Variants in HSPA8 observed in about 807,000 individuals in gnomAD.
HSPA8 encodes heat shock protein family A (Hsp70) member 8.
HSPA8 carries 2 observed loss-of-function variants against 52.8 expected under a neutral mutation model. That is an observed-to-expected ratio of 0.04 (90% CI 0.02 to 0.12). The LOEUF (loss-of-function observed/expected upper bound fraction) is 0.12, where lower values mean the gene tolerates loss of function less well. HSPA8 is among the 10% of genes least tolerant of loss of function. The pLI is 1.00. For missense variants in HSPA8, 349 were observed against 800.5 expected (o/e 0.44, Z 6.81); for synonymous variants, 436 against 274.0 (o/e 1.59, Z -5.84).
chr11:123,060,507 C>G (rs1865462438), intron 3 of HSPA8, 86 bp downstream of exon 3: 3 of 1,092,144 alleles, frequency 2.7e-6, no homozygotes, highest in Non-Finnish European at 4.2e-6. Context: ...ATCTGTTCCC[C>G]TCCCTCGCCA....
chr11:123,060,526 T>C, intron 3 of HSPA8, 67 bp downstream of exon 3: 2 of 1,212,152 alleles, frequency 1.6e-6, no homozygotes, highest in Non-Finnish European at 2.4e-6. Context: ...CAGGTGCCAG[T>C]GCCCCCGGGA....
chr11:123,060,878 C>G (rs568342741), intron 2 of HSPA8, 80 bp from the exon 3 acceptor site: 5 of 1,303,758 alleles, frequency 3.8e-6, no homozygotes, highest in South Asian at 2.4e-5. Context: ...ACTCAAATAC[C>G]TAACAGTTCA....
At chr11:123,058,133 C>T (rs1353149565) in intron 8 of HSPA8, 119 bp downstream of exon 8, 18 of 769,036 alleles carry the variant, frequency 2.3e-5, no homozygotes, top group African/African-American at 1.6e-4. Flanking sequence ...GTGGAAACCG[C>T]GAATGTTTTG....
chr11:123,057,811 G>T lies in HSPA8; in HGVS notation c.1864C>A (p.Pro622Thr), dbSNP rs1199609003. Residue 622 changes from proline to threonine, a missense_variant, in exon 9 of 9, where the codon CCT becomes ACT. Physicochemically the swap from Pro to Thr is conservative, Grantham distance 38. Coordinates refer to ENST00000534624, the MANE Select transcript of HSPA8 (RefSeq NM_006597.6). ...GCTCCACCACCAGGAAATCCCCCAG[G>T]CATTCCTCCTGGCATGCCTCCTGCA... is the stretch of plus-strand genomic sequence containing the variant. ...QSAGGMPGGM[P>T]GGFPGGGAPP... 6.2e-7 allele frequency: 1 copy of T among 1,613,722 alleles called. No homozygotes were observed. Among genetic ancestry groups the T allele is most frequent in the African/African-American group, 1.3e-5 (1 of 74,882 alleles).
Position 123,057,919 on chromosome 11 carries a change from T to C in HSPA8, c.1756A>G (p.Thr586Ala). 2 of 1,594,410 alleles carry C rather than the reference T, an allele frequency of 1.3e-6. No individual in the cohort carries two copies. Among genetic ancestry groups the C allele is most frequent in the Non-Finnish European group, 1.7e-6 (2 of 1,172,194 alleles). ...TGTTCAAATTCTTCCTTCTCAGCAGTCTGAGGAAGAGAAAAAGGAATTACT... is the reference window on the plus strand; with the variant it reads ...TGTTCAAATTCTTCCTTCTCAGCAGCCTGAGGAAGAGAAAAAGGAATTACT... The part of the protein sequence containing the change: ...EIINWLDKNQ[T>A]AEKEEFEHQQ... Residue 586 changes from threonine (T) to alanine (A), a missense_variant and splice_region_variant, in exon 9 of 9, where the codon ACT becomes GCT. Coordinates refer to ENST00000534624, the MANE Select transcript of HSPA8 (RefSeq NM_006597.6).
At chr11:123,059,359 T>G in intron 5 of HSPA8, 98 bp from the exon 6 acceptor site, 1 of 1,368,160 alleles carries the variant, frequency 7.3e-7, no homozygotes, top group Non-Finnish European at 1.0e-6. Context: ...AAGGAAGGTG[T>G]TGCCATCATT....
At chr11:123,061,064 T>A (rs749193179) in intron 2 of HSPA8, 56 bp downstream of exon 2, 2 of 1,483,580 alleles carry the variant, frequency 1.3e-6, no homozygotes, top group Non-Finnish European at 1.9e-6. Context: ...TTTCATAAAC[T>A]TTTGTGCTTC....
At position 123,057,507 on chromosome 11, in the gene HSPA8, A is replaced by C. The variant is rs983939510; in HGVS notation, c.*227T>G. The C allele has an allele frequency of 3.1e-5, 13 of 422,544 alleles. No individual in the cohort carries two copies. Among genetic ancestry groups the C allele is most frequent in the African/African-American group, 2.5e-4 (12 of 48,472 alleles). The allele number at this position is 422,544 out of a possible 1,614,324, so 26.2% of individuals were successfully genotyped here. Reference sequence around the variant, plus strand: ...AAAGCAATTGTATGGTGCCAATTTTAAATAGTTTTATTTAAGACATTGCAT... The same window carrying C: ...AAAGCAATTGTATGGTGCCAATTTTCAATAGTTTTATTTAAGACATTGCAT... On this transcript the variant is annotated 3_prime_UTR_variant, in exon 9 of 9. Coordinates refer to ENST00000534624, the MANE Select transcript of HSPA8 (RefSeq NM_006597.6).
rs534622730 is a variant in HSPA8 at position 123,057,924 on chromosome 11, G to A, written c.1756-5C>T. 1.4e-5 allele frequency: 23 copies of A among 1,589,324 alleles called. No individual in the cohort carries two copies. The highest frequency in any genetic ancestry group is 9.1e-5 in the South Asian group (8 of 87,466). ...AAATTCTTCCTTCTCAGCAGTCTGA[G>A]GAAGAGAAAAAGGAATTACTGCAAG... On this transcript the variant is annotated splice_polypyrimidine_tract_variant and splice_region_variant and intron_variant, in intron 8 of 8. Coordinates refer to ENST00000534624, the MANE Select transcript of HSPA8 (RefSeq NM_006597.6).
rs1387135105 is a variant in HSPA8, at chr11:123,060,869, C to T, written c.206-71G>A. On this transcript the variant is annotated intron_variant, in intron 2 of 8. Coordinates refer to ENST00000534624, the MANE Select transcript of HSPA8 (RefSeq NM_006597.6). ...CTGATAAAACTCAAGTCCATGATTA[C>T]TCAAATACCTAACAGTTCATAGGTA... 8 of 1,367,550 alleles carry T rather than the reference C, an allele frequency of 5.8e-6. No individual in the cohort carries two copies. In the South Asian group the frequency reaches 7.1e-5, roughly 12 times the overall value. The allele number at this position is 1,367,550 out of a possible 1,614,324, so 84.7% of individuals were successfully genotyped here.
intron 2 of HSPA8, 103 bp downstream of exon 2, chr11:123,061,017 C>G: frequency 9.7e-7 from 1 of 1,033,556 alleles, no homozygotes; most frequent in Non-Finnish European, 1.5e-6. Flanking sequence ...AGTCTCTCAG[C>G]TCAGTTTTTC....
intron 3 of HSPA8, 27 bp from the exon 4 acceptor site, chr11:123,060,295 T>C (rs1591438611): frequency 1.2e-6 from 2 of 1,607,240 alleles, no homozygotes; most frequent in Non-Finnish European, 1.7e-6. Context: ...GACCACAGAT[T>C]GGTAACTATT....
At chr11:123,062,398 G>T (rs1301999275), upstream of HSPA8, 1 of 152,494 alleles carries the variant, frequency 6.6e-6, no homozygotes, top group East Asian at 1.9e-4. Flanking sequence ...ACGGCCCCGG[G>T]GAAAGGGAGG....
Position 123,059,531 on chromosome 11 carries a change from G to A in HSPA8, c.1062C>T (p.Phe354=), listed in dbSNP as rs771663386. 9 of 1,613,928 alleles carry A rather than the reference G, an allele frequency of 5.6e-6. 1 individual carries two copies. The East Asian group carries it at 1.1e-4, about 20-fold the overall frequency. ...TGCTCTTATTCAGTTCTTTTCCATT[G>A]AAGAAGTCTTGGAGAAGCTTCTGAA... ...PKIQKLLQDF[F]NGKELNKSIN... is the part of the protein sequence containing the mutation. The change falls in exon 5 of 9, where the codon TTC becomes TTT. Residue 354 remains phenylalanine, a synonymous_variant. Coordinates refer to ENST00000534624, the MANE Select transcript of HSPA8 (RefSeq NM_006597.6).
chr11:123,059,359 T>C (rs1416936505), intron 5 of HSPA8, 98 bp from the exon 6 acceptor site: 1 of 1,368,160 alleles, frequency 7.3e-7, no homozygotes. Context: ...AAGGAAGGTG[T>C]TGCCATCATT....
chr11:123,059,987 A>T lies in HSPA8; in HGVS notation c.606T>A (p.Gly202=). 1 of 1,613,814 alleles carries T rather than the reference A, an allele frequency of 6.2e-7. No individual in the cohort carries two copies. The highest frequency in any genetic ancestry group is 8.5e-7 in the Non-Finnish European group (1 of 1,179,884). ...ERNVLIFDLG[G]GTFDVSILTI... Reference sequence around the variant, plus strand: ...TGAGGATTGACACATCAAAAGTGCCACCTCCCAGGTCAAAGATGAGCACGT... The same window carrying T: ...TGAGGATTGACACATCAAAAGTGCCTCCTCCCAGGTCAAAGATGAGCACGT... Residue 202 remains glycine (G), a synonymous_variant, in exon 5 of 9, where the codon GGT becomes GGA. Coordinates refer to ENST00000534624, the MANE Select transcript of HSPA8 (RefSeq NM_006597.6).
At chr11:123,058,856 T>C (rs1243667065) in intron 6 of HSPA8, 26 bp from the exon 7 acceptor site, 1 of 1,598,308 alleles carries the variant, frequency 6.3e-7, no homozygotes, top group Non-Finnish European at 8.6e-7. Flanking sequence ...AACAAATTAC[T>C]ACAATGGACT....
intron 2 of HSPA8, 30 bp from the exon 3 acceptor site, chr11:123,060,828 C>T (rs748866176): frequency 6.4e-7 from 1 of 1,561,304 alleles, no homozygotes; most frequent in East Asian, 2.2e-5. Context: ...AAAACACTTT[C>T]AATTTCATAG....
rs755408420 is a variant in HSPA8 at position 123,057,928 on chromosome 11, G to A, written c.1756-9C>T. ...TCTTCCTTCTCAGCAGTCTGAGGAA[G>A]AGAAAAAGGAATTACTGCAAGTTCT... On this transcript the variant is annotated splice_polypyrimidine_tract_variant and intron_variant, in intron 8 of 8. Transcript: ENST00000534624. 28 of 1,581,188 alleles carry A rather than the reference G, an allele frequency of 1.8e-5. No homozygotes were observed. Among genetic ancestry groups the A allele is most frequent in the Admixed American group, 3.8e-5 (2 of 52,238 alleles).
Sources: gnomAD v4.1 joint callset for allele counts on GRCh38, gnomAD v4.1.1 for gene constraint, MANE v1.5 for transcripts, NCBI Gene and HGNC (gene_info 2026-07-23, HGNC 2026-07-21) for gene names.